ERC2: variants seen among roughly 807,000 people sequenced by gnomAD.
The protein encoded by ERC2 is ERC protein 2.
A neutral mutation model predicts 114.8 loss-of-function variants in ERC2; 42 were observed. That is an observed-to-expected ratio of 0.37 (90% CI 0.29 to 0.47). The LOEUF is 0.47. ERC2 is among the 20% of genes least tolerant of loss of function. The pLI, the probability that ERC2 is intolerant of heterozygous loss-of-function variation, is 0.99. For synonymous variants in ERC2, 454 were observed against 425.5 expected (o/e 1.07, Z -0.82); for missense variants, 939 against 1,150.7 (o/e 0.82, Z 2.66).
chr3:55,645,891 G>C (rs990163991), intron 17 of ERC2, among the ~76,000 whole-genome samples: 2 of 152,150 alleles, frequency 1.3e-5, no homozygotes, highest in East Asian at 3.9e-4. Flanking sequence ...CCAGCTTGGC[G>C]CAAGGAGAAG....
At chr3:56,098,034 T>C (rs1372020416) in intron 6 of ERC2, among the ~76,000 whole-genome samples, 1 of 152,134 alleles carries the variant, frequency 6.6e-6, no homozygotes, top group Non-Finnish European at 1.5e-5. Flanking sequence ...TAGCATCCTA[T>C]CTAGCTGAAA....
intron 17 of ERC2, among the ~76,000 whole-genome samples, chr3:55,653,432 A>G (rs747082871): frequency 6.6e-6 from 1 of 152,252 alleles, no homozygotes; most frequent in Non-Finnish European, 1.5e-5. Flanking sequence ...TTAACAAAGT[A>G]TTATAATCTA....
chr3:55,713,615 T>C (rs1460114952), intron 15 of ERC2, among the ~76,000 whole-genome samples: 2 of 152,212 alleles, frequency 1.3e-5, no homozygotes, highest in African/African-American at 2.4e-5. Context: ...CTGCCATTGT[T>C]TTTGGTAAGC....
intron 13 of ERC2, among the ~76,000 whole-genome samples, chr3:55,947,617 C>T (rs1231338171): frequency 4.6e-5 from 7 of 152,290 alleles, no homozygotes; most frequent in South Asian, 2.1e-4. Flanking sequence ...GACACCTGGC[C>T]TCAGAATGAA....
intron 2 of ERC2, among the ~76,000 whole-genome samples, chr3:56,340,112 C>T (rs2058028383): frequency 6.6e-6 from 1 of 152,174 alleles, no homozygotes; most frequent in Non-Finnish European, 1.5e-5. Context: ...AATATATACA[C>T]AGTATCCATG....
chr3:55,966,417 C>G (rs2068753012), intron 12 of ERC2, among the ~76,000 whole-genome samples: 1 of 152,190 alleles, frequency 6.6e-6, no homozygotes, highest in Non-Finnish European at 1.5e-5. Context: ...CTAAAACCCA[C>G]AGAGCAGCCA....
At chr3:56,075,704 T>A (rs2076938027) in intron 7 of ERC2, among the ~76,000 whole-genome samples, 1 of 152,194 alleles carries the variant, frequency 6.6e-6, no homozygotes, top group African/African-American at 2.4e-5. Context: ...GGTGACTGAC[T>A]GACACATAGG....
intron 14 of ERC2, among the ~76,000 whole-genome samples, chr3:55,816,979 C>A (rs2149141246): frequency 6.6e-6 from 1 of 152,248 alleles, no homozygotes; most frequent in South Asian, 2.1e-4. Flanking sequence ...GTCAAGATTC[C>A]TCAGAATATT....
chr3:55,870,033 C>A (rs1245796725), intron 14 of ERC2, among the ~76,000 whole-genome samples: 1 of 151,934 alleles, frequency 6.6e-6, no homozygotes, highest in Admixed American at 6.6e-5. Flanking sequence ...AACCAAAGAA[C>A]CAGGAGGTGA....
intron 3 of ERC2, among the ~76,000 whole-genome samples, chr3:56,201,732 T>A (rs1428475530): frequency 1.3e-5 from 2 of 152,162 alleles, no homozygotes; most frequent in Non-Finnish European, 2.9e-5. Context: ...CAAGACAATA[T>A]ATAACTATCG....
At chr3:56,032,670 C>T (rs1039781100) in intron 7 of ERC2, among the ~76,000 whole-genome samples, 20 of 151,838 alleles carry the variant, frequency 1.3e-4, no homozygotes, top group Middle Eastern at 6.8e-3. Flanking sequence ...AAAGGAATTT[C>T]CTTAAGACTA....
intron 2 of ERC2, among the ~76,000 whole-genome samples, chr3:56,367,032 C>T (rs1258425483): frequency 6.6e-6 from 1 of 152,180 alleles, no homozygotes; most frequent in Non-Finnish European, 1.5e-5. Flanking sequence ...CTTTCACCAA[C>T]TGCTGGGACC....
chr3:56,434,132 G>A, intron 2 of ERC2: 1 of 500,444 alleles, frequency 2.0e-6, no homozygotes, highest in South Asian at 2.8e-5. Flanking sequence ...CTCCCCATCT[G>A]CAACCATGTG....
intron 3 of ERC2, among the ~76,000 whole-genome samples, chr3:56,218,805 A>AAG (rs2049688738): frequency 6.6e-6 from 1 of 152,160 alleles, no homozygotes. Context: ...AATACGATGC[A>AAG]GCCATAAAAA....
intron 14 of ERC2, among the ~76,000 whole-genome samples, chr3:55,753,386 C>G (rs1461829936): frequency 6.6e-6 from 1 of 152,152 alleles, no homozygotes; most frequent in Non-Finnish European, 1.5e-5. Context: ...TATTACCTAC[C>G]CCCGAGGTCA....
chr3:55,706,429 G>A (rs2063493339), intron 15 of ERC2, among the ~76,000 whole-genome samples: 1 of 151,536 alleles, frequency 6.6e-6, no homozygotes, highest in Non-Finnish European at 1.5e-5. Context: ...ACAGAGTCTT[G>A]CCTGTCACCC....
At chr3:55,602,343 C>A (rs1399900994) in intron 17 of ERC2, among the ~76,000 whole-genome samples, 1 of 152,140 alleles carries the variant, frequency 6.6e-6, no homozygotes, top group Non-Finnish European at 1.5e-5. Flanking sequence ...CATACAAATC[C>A]CTCCATGGAA....
At chr3:56,081,026 A>G (rs2077203912) in intron 6 of ERC2, 42 bp from the exon 7 acceptor site, 2 of 1,600,722 alleles carry the variant, frequency 1.2e-6, no homozygotes, top group Non-Finnish European at 1.7e-6. Context: ...TTTTACAGAA[A>G]GGTCATCAAT....
At chr3:56,130,473 T>C (rs112797906) in intron 6 of ERC2, among the ~76,000 whole-genome samples, 1,554 of 152,328 alleles carry the variant, frequency 0.01, 32 homozygotes, top group African/African-American at 0.035. Context: ...TCACAGTTCA[T>C]TAAGATTCAA....
Sources: gnomAD v4.1 joint callset for allele counts (sites outside exome capture counted in the v4.1 genomes callset) on GRCh38, gnomAD v4.1.1 for gene constraint, MANE v1.5 for transcripts, NCBI Gene and HGNC (gene_info 2026-07-23, HGNC 2026-07-21) for gene names.